The following CLASP1 variants were observed in gnomAD, a reference collection of about 807,000 sequenced individuals.
The protein encoded by CLASP1 is cytoplasmic linker associated protein 1.
In CLASP1, 38 loss-of-function variants were observed where a neutral mutation model predicts 192.3. That is an observed-to-expected ratio of 0.20 (90% CI 0.15 to 0.26). The LOEUF is 0.26. Ranked by LOEUF, CLASP1 falls within the 10% of genes least tolerant of loss-of-function variation. The probability of loss-of-function intolerance (pLI) is 1.00; values close to 1 mark genes in which losing one functional copy is unlikely to be tolerated. For synonymous variants in CLASP1, 691 were observed against 712.8 expected (o/e 0.97, Z 0.49); for missense variants, 1,433 against 1,932.5 (o/e 0.74, Z 4.85).
At chr2:121,398,937 G>C (rs1412829648) in intron 28 of CLASP1, among the ~76,000 whole-genome samples, 1 of 152,130 alleles carries the variant, frequency 6.6e-6, no homozygotes, top group Non-Finnish European at 1.5e-5. Flanking sequence ...AGAAGCCTGG[G>C]GTCCCAGAAG....
Position 121,488,061 on chromosome 2 carries a change from G to C in CLASP1, c.712+15106C>G, listed in dbSNP as rs544672399. Among the ~76,000 whole-genome samples, 5 of 152,220 alleles carry C rather than the reference G, an allele frequency of 3.3e-5. No homozygotes were observed. In the South Asian group the frequency reaches 8.3e-4, roughly 25 times the overall value. ...ACTTCCTTACTTTCTGGCCCTGCGA[G>C]ATACACTGGCTCACCTTGCTCCAGC... On this transcript the variant is annotated intron_variant, in intron 8 of 39. Coordinates refer to ENST00000263710, the Ensembl canonical transcript of CLASP1.
chr2:121,346,966 G>T, intron 39 of CLASP1, 72 bp downstream of exon 40: 1 of 886,286 alleles, frequency 1.1e-6, no homozygotes, highest in Non-Finnish European at 1.8e-6. Flanking sequence ...ATCCAGAGCT[G>T]CAGTCAAATG....
chr2:121,419,037 T>C (rs2079062764), intron 22 of CLASP1, among the ~76,000 whole-genome samples: 1 of 152,112 alleles, frequency 6.6e-6, no homozygotes, highest in South Asian at 2.1e-4. Context: ...CATCAGAAAA[T>C]ACAAGATCAA....
chr2:121,500,377 AAAG>A (rs1559449678), intron 8 of CLASP1, among the ~76,000 whole-genome samples: 48 of 127,450 alleles, frequency 3.8e-4, no homozygotes, highest in African/African-American at 1.5e-3. Flanking sequence ...AGAAAGAAAG[AAAG>A]AAAGAAAGAA....
chr2:121,540,274 C>G (rs2095200246), intron 2 of CLASP1, among the ~76,000 whole-genome samples: 1 of 152,168 alleles, frequency 6.6e-6, no homozygotes, highest in South Asian at 2.1e-4. Context: ...ATCACAGTTA[C>G]ACTCAGCAAT....
chr2:121,376,311 T>C (rs546185083), intron 34 of CLASP1, among the ~76,000 whole-genome samples: 3 of 152,250 alleles, frequency 2.0e-5, no homozygotes, highest in African/African-American at 7.2e-5. Context: ...ATAAAGCAAA[T>C]GTGACATATA....
chr2:121,590,290 G>T (rs1304322193), intron 2 of CLASP1, among the ~76,000 whole-genome samples: 1 of 152,184 alleles, frequency 6.6e-6, no homozygotes, highest in African/African-American at 2.4e-5. Flanking sequence ...GTACACAAGA[G>T]GGCAGAAACA....
At chr2:121,515,282 T>C (rs560457579) in intron 7 of CLASP1, among the ~76,000 whole-genome samples, 2 of 152,346 alleles carry the variant, frequency 1.3e-5, no homozygotes, top group African/African-American at 2.4e-5. Flanking sequence ...AAACACATTC[T>C]GGAATGGCTT....
intron 7 of CLASP1, among the ~76,000 whole-genome samples, chr2:121,508,139 T>C (rs114837195): frequency 0.01 from 1,569 of 152,270 alleles, 29 homozygotes; most frequent in African/African-American, 0.036. Flanking sequence ...TTGTCCTACA[T>C]AACTTAAAAA....
At chr2:121,620,810 G>A (rs984391303) in intron 1 of CLASP1, among the ~76,000 whole-genome samples, 1 of 152,072 alleles carries the variant, frequency 6.6e-6, no homozygotes, top group Non-Finnish European at 1.5e-5. Flanking sequence ...TCAGATATAT[G>A]ACAAATATTT....
chr2:121,610,853 A>G (rs2065270729), intron 1 of CLASP1, among the ~76,000 whole-genome samples: 2 of 147,686 alleles, frequency 1.4e-5, no homozygotes, highest in Admixed American at 6.7e-5. Context: ...CTGGAGGAGG[A>G]GGAGGAGTTA....
intron 2 of CLASP1, among the ~76,000 whole-genome samples, chr2:121,575,192 A>G (rs577601370): frequency 6.6e-6 from 1 of 151,276 alleles, no homozygotes; most frequent in Non-Finnish European, 1.5e-5. Context: ...GCTCACTGCA[A>G]CCTCCGCCTC....
chr2:121,562,804 A>T (rs1179895197), intron 2 of CLASP1, among the ~76,000 whole-genome samples: 1 of 152,176 alleles, frequency 6.6e-6, no homozygotes, highest in Non-Finnish European at 1.5e-5. Context: ...TTTCGATTTT[A>T]TTCTTTCAGA....
chr2:121,403,438 A>T lies in CLASP1; in HGVS notation c.2733+933T>A, dbSNP rs184421697. Reference sequence around the variant, plus strand: ...GGAAGCAAGGATAGGAAAAGAAAGAAGATGATGATGACTAACTGGCTGGGC... The same window carrying T: ...GGAAGCAAGGATAGGAAAAGAAAGATGATGATGATGACTAACTGGCTGGGC... On this transcript the variant is annotated intron_variant, in intron 26 of 39. Coordinates refer to ENST00000263710, the Ensembl canonical transcript of CLASP1. 1.5e-3 allele frequency: 664 copies of T among 456,702 alleles called. 1 individual carries two copies. The highest frequency in any genetic ancestry group is 2.1e-3 in the Admixed American group (90 of 42,584). 28.3% of individuals were successfully genotyped at this position (456,702 alleles called of 1,614,324 possible).
chr2:121,526,169 T>C (rs531092800), intron 5 of CLASP1, among the ~76,000 whole-genome samples: 2 of 152,350 alleles, frequency 1.3e-5, no homozygotes, highest in East Asian at 3.9e-4. Flanking sequence ...CTGGCCAATC[T>C]GGCCCTAACC....
intron 36 of CLASP1, 42 bp from the exon 38 acceptor site, chr2:121,363,342 C>A: frequency 6.2e-7 from 1 of 1,608,908 alleles, no homozygotes; most frequent in Non-Finnish European, 8.5e-7. Flanking sequence ...AAACACCACA[C>A]AGCACTTTCA....
chr2:121,470,684 G>C (rs2090552738), intron 8 of CLASP1: 1 of 451,600 alleles, frequency 2.2e-6, no homozygotes, highest in Admixed American at 2.4e-5. Flanking sequence ...AATAGTTTTA[G>C]GAATGAAAAC....
chr2:121,428,068 G>T (rs1262637215), intron 20 of CLASP1, among the ~76,000 whole-genome samples: 1 of 152,168 alleles, frequency 6.6e-6, no homozygotes, highest in Non-Finnish European at 1.5e-5. Context: ...TCCTGAGTAC[G>T]ATTTGGTGAG....
In CLASP1 at chr2:121,601,604, T is replaced by C. The variant is rs562913600; in HGVS notation, c.195+4097A>G. ...CTTTTAAGAACTAGAACAGTACAAATATGCCCACTCTCACCCTCTTTTTCA... is the reference window on the plus strand; with the variant it reads ...CTTTTAAGAACTAGAACAGTACAAACATGCCCACTCTCACCCTCTTTTTCA... On this transcript the variant is annotated intron_variant, in intron 2 of 39. Coordinates refer to ENST00000263710, the Ensembl canonical transcript of CLASP1. 2.0e-5 allele frequency among the ~76,000 whole-genome samples: 3 copies of C among 152,182 alleles called. No homozygotes were observed. In the South Asian group the frequency reaches 6.2e-4, roughly 32 times the overall value.
Sources: gnomAD v4.1 joint callset for allele counts (sites outside exome capture counted in the v4.1 genomes callset) on GRCh38, gnomAD v4.1.1 for gene constraint, MANE v1.5 for transcripts, NCBI Gene and HGNC (gene_info 2026-07-23, HGNC 2026-07-21) for gene names.